Variants in CTNNA3 observed in about 807,000 individuals in gnomAD.
CTNNA3 encodes the protein catenin alpha-3.
Under a neutral mutation model 95.7 loss-of-function variants are expected in CTNNA3, and 76 were observed. The ratio of observed to expected loss-of-function variants is 0.79; its 90% CI spans 0.66 to 0.96. The LOEUF (loss-of-function observed/expected upper bound fraction) is 0.96. Ranked by LOEUF, CTNNA3 falls within the 40% of genes least tolerant of loss-of-function variation. The pLI is 0.00. For synonymous variants in CTNNA3, 431 were observed against 374.4 expected (o/e 1.15, Z -1.74); for missense variants, 1,191 against 1,089.8 (o/e 1.09, Z -1.31).
chr10:67,341,906 T>C (rs1239339040), intron 5 of CTNNA3, among the ~76,000 whole-genome samples: 1 of 152,022 alleles, frequency 6.6e-6, no homozygotes, highest in Non-Finnish European at 1.5e-5. Context: ...GGTGAGATGA[T>C]GTATAATTAT....
intron 1 of CTNNA3, among the ~76,000 whole-genome samples, chr10:67,709,613 C>T (rs1841095874): frequency 6.6e-6 from 1 of 151,026 alleles, no homozygotes; most frequent in Admixed American, 6.6e-5. Context: ...CTCCCCCCAA[C>T]CCTCCCGCTC....
At position 66,558,958 on chromosome 10, in the gene CTNNA3, A is replaced by C. The variant is rs1035332239; in HGVS notation, c.1375-38185T>G. On this transcript the variant is annotated intron_variant, in intron 10 of 17. Transcript: ENST00000433211. ...CTAATTTTAGAAAAGTCACTAAAAAACAACATGGTCTTCACTCTTCACATC... is the reference window on the plus strand; with the variant it reads ...CTAATTTTAGAAAAGTCACTAAAAACCAACATGGTCTTCACTCTTCACATC... 2.0e-5 allele frequency among the ~76,000 whole-genome samples: 3 copies of C among 152,148 alleles called. 1 individual carries two copies. In the South Asian group the frequency reaches 6.2e-4, roughly 31 times the overall value.
chr10:67,615,275 A>T (rs1843612052), intron 2 of CTNNA3, among the ~76,000 whole-genome samples: 1 of 152,236 alleles, frequency 6.6e-6, no homozygotes, highest in Non-Finnish European at 1.5e-5. Flanking sequence ...GCACATGTAG[A>T]TCCCTCTCCA....
chr10:66,211,576 G>A (rs12146238), intron 13 of CTNNA3, among the ~76,000 whole-genome samples: 25,511 of 152,136 alleles, frequency 0.17, 2,453 homozygotes, highest in Admixed American at 0.26. Context: ...CCGAGTACAA[G>A]CCTGTGTTTG....
chr10:66,038,713 C>G (rs147576528), intron 15 of CTNNA3, among the ~76,000 whole-genome samples: 1 of 152,228 alleles, frequency 6.6e-6, no homozygotes, highest in East Asian at 1.9e-4. Flanking sequence ...TTGATGGAGG[C>G]ATGAAAGGAT....
At chr10:66,447,829 G>A (rs10997132) in intron 11 of CTNNA3, among the ~76,000 whole-genome samples, 57,672 of 151,218 alleles carry the variant, frequency 0.38, 11,536 homozygotes, top group African/African-American at 0.5. Context: ...GACAAATGGG[G>A]TCTAATTAAA....
At chr10:66,549,920 G>C (rs1394734536) in intron 10 of CTNNA3, among the ~76,000 whole-genome samples, 1 of 152,160 alleles carries the variant, frequency 6.6e-6, no homozygotes, top group Non-Finnish European at 1.5e-5. Flanking sequence ...CTATGCACAT[G>C]TGCAAGAATG....
chr10:67,459,898 A>G (rs1217342661), intron 5 of CTNNA3, among the ~76,000 whole-genome samples: 2 of 152,188 alleles, frequency 1.3e-5, no homozygotes, highest in Admixed American at 6.6e-5. Context: ...CATGCTCCAA[A>G]GTCAATCTGA....
chr10:67,269,346 T>A (rs1054800232), intron 5 of CTNNA3, among the ~76,000 whole-genome samples: 1 of 152,164 alleles, frequency 6.6e-6, no homozygotes. Flanking sequence ...TATTAATAGA[T>A]AATAATGAGA....
chr10:67,052,400 C>A (rs773468271), intron 7 of CTNNA3, among the ~76,000 whole-genome samples: 1 of 151,436 alleles, frequency 6.6e-6, no homozygotes, highest in Non-Finnish European at 1.5e-5. Context: ...ATTCCATGGG[C>A]TTCACTAGGC....
At chr10:66,044,097 C>T (rs1254566452) in intron 15 of CTNNA3, among the ~76,000 whole-genome samples, 1 of 151,926 alleles carries the variant, frequency 6.6e-6, no homozygotes, top group Non-Finnish European at 1.5e-5. Context: ...CAGGTTCAAG[C>T]GATTCTACTG....
In CTNNA3 at chr10:66,602,113, C is replaced by A. The variant is rs1463910050; in HGVS notation, c.1374+19579G>T. ...ATGATTGCTTAGATTTGTATAAGGT[C>A]TTTTGGTTGGAAAACTTGTCATGAC... On this transcript the variant is annotated intron_variant, in intron 10 of 17. Coordinates refer to ENST00000433211, the MANE Select transcript of CTNNA3 (RefSeq NM_013266.4). 1.3e-5 allele frequency among the ~76,000 whole-genome samples: 2 copies of A among 151,736 alleles called. 1 individual carries two copies. Among genetic ancestry groups the A allele is most frequent in the African/African-American group, 4.8e-5 (2 of 41,362 alleles).
chr10:67,017,746 T>TGG (rs1852746315), intron 7 of CTNNA3, among the ~76,000 whole-genome samples: 1 of 151,814 alleles, frequency 6.6e-6, no homozygotes, highest in African/African-American at 2.4e-5. Context: ...TGTGTGTGTG[T>TGG]GTGTGTGCGC....
At chr10:67,692,736 TAAA>T (rs200961420) in intron 1 of CTNNA3, among the ~76,000 whole-genome samples, 1 of 80,838 alleles carries the variant, frequency 1.2e-5, no homozygotes, top group Admixed American at 1.3e-4. Flanking sequence ...GAATGATCAA[TAAA>T]AAAAAAAAAA....
At chr10:66,214,604 T>C (rs989846330) in intron 13 of CTNNA3, among the ~76,000 whole-genome samples, 1 of 152,050 alleles carries the variant, frequency 6.6e-6, no homozygotes, top group Non-Finnish European at 1.5e-5. Flanking sequence ...ATAAGGCTTA[T>C]AATTTAAATA....
At chr10:66,213,206 G>A (rs556243477) in intron 13 of CTNNA3, among the ~76,000 whole-genome samples, 69 of 151,732 alleles carry the variant, frequency 4.5e-4, no homozygotes, top group Non-Finnish European at 8.8e-4. Context: ...AACTTCATAG[G>A]ATATTGAGAT....
chr10:66,106,532 G>T (rs1483510423), intron 13 of CTNNA3, among the ~76,000 whole-genome samples: 4 of 152,046 alleles, frequency 2.6e-5, no homozygotes, highest in Non-Finnish European at 5.9e-5. Flanking sequence ...TTTAAAGTTT[G>T]TTTCCCTCAG....
intron 11 of CTNNA3, among the ~76,000 whole-genome samples, chr10:66,433,389 C>T (rs930052005): frequency 5.9e-5 from 9 of 152,162 alleles, no homozygotes; most frequent in Non-Finnish European, 8.8e-5. Flanking sequence ...TTGCATTTCT[C>T]TAATGATCAG....
At chr10:67,264,674 G>A (rs1375718382) in intron 5 of CTNNA3, among the ~76,000 whole-genome samples, 2 of 152,048 alleles carry the variant, frequency 1.3e-5, no homozygotes, top group African/African-American at 2.4e-5. Flanking sequence ...TCTTTTATGT[G>A]TTTGTTTTCT....
Sources: gnomAD v4.1 joint callset for allele counts (sites outside exome capture counted in the v4.1 genomes callset) on GRCh38, gnomAD v4.1.1 for gene constraint, MANE v1.5 for transcripts, NCBI Gene and HGNC (gene_info 2026-07-23, HGNC 2026-07-21) for gene names.